GAREM1: variants seen among roughly 807,000 people sequenced by gnomAD.
GAREM1 encodes GRB2 associated regulator of MAPK1 subtype 1.
A neutral mutation model predicts 71.3 loss-of-function variants in GAREM1; 26 were observed. That is an observed-to-expected ratio of 0.36 (90% CI 0.27 to 0.51). The LOEUF is 0.51. Ranked by LOEUF, GAREM1 falls within the 20% of genes least tolerant of loss-of-function variation. The pLI, the probability that GAREM1 is intolerant of heterozygous loss-of-function variation, is 0.95. For synonymous variants in GAREM1, 440 were observed against 433.2 expected, an observed-to-expected ratio of 1.02 and a Z score of -0.20; for missense variants, 1,026 against 1,103.1, an observed-to-expected ratio of 0.93 and a Z score of 0.99.
At chr18:32,317,121 T>C (rs2047385751) in intron 2 of GAREM1, among the ~76,000 whole-genome samples, 1 of 152,000 alleles carries the variant, frequency 6.6e-6, no homozygotes, top group South Asian at 2.1e-4. Context: ...GAAGTGAGAA[T>C]GGGCCAGGCG....
At chr18:32,435,532 T>C (rs1016162207) in intron 1 of GAREM1, among the ~76,000 whole-genome samples, 7 of 152,058 alleles carry the variant, frequency 4.6e-5, no homozygotes, top group African/African-American at 7.2e-5. Flanking sequence ...ACATCATTGG[T>C]AGATTTTCCA....
In GAREM1 at chr18:32,343,323, T is replaced by TG. The variant is rs1291030680; in HGVS notation, c.263-33001_263-33000insC. ...ACTCTCCCCCACTGTTTTTTTTTTTTTTTTTTTTTGAGACAGAGTCTTGCT... is the reference window on the plus strand; with the variant it reads ...ACTCTCCCCCACTGTTTTTTTTTTTTGTTTTTTTTTGAGACAGAGTCTTGCT... On this transcript the variant is annotated intron_variant, in intron 2 of 5. Coordinates refer to ENST00000269209, the MANE Select transcript of GAREM1 (RefSeq NM_001242409.2). Among the ~76,000 whole-genome samples, 90 of 150,896 alleles carry TG rather than the reference T, an allele frequency of 6.0e-4. 1 individual carries two copies. Among genetic ancestry groups the TG allele is most frequent in the African/African-American group, 2.1e-3 (85 of 40,938 alleles).
rs779953231 is a variant in GAREM1, at chr18:32,393,044, T to C, written c.122-9A>G. ...CCCTTCTACGCACTCTCCTAGGAAA[T>C]ACAATTTTATATGAGAAACTTAGAA... On this transcript the variant is annotated splice_polypyrimidine_tract_variant and intron_variant, in intron 1 of 5. Transcript: ENST00000269209. 2.5e-6 allele frequency: 4 copies of C among 1,605,826 alleles called. No homozygotes were observed. The highest frequency in any genetic ancestry group is 1.7e-6 in the Non-Finnish European group (2 of 1,174,992).
intron 1 of GAREM1, among the ~76,000 whole-genome samples, chr18:32,461,212 G>A (rs986728264): frequency 1.3e-5 from 2 of 152,160 alleles, no homozygotes; most frequent in Admixed American, 6.5e-5. Context: ...TTAATACTGA[G>A]ATTTGCTCAT....
At chr18:32,431,159 A>C (rs1371208163) in intron 1 of GAREM1, among the ~76,000 whole-genome samples, 1 of 152,192 alleles carries the variant, frequency 6.6e-6, no homozygotes, top group East Asian at 1.9e-4. Flanking sequence ...TGATATACAG[A>C]GAAAAGTCAG....
At chr18:32,406,893 T>C (rs529852528) in intron 1 of GAREM1, among the ~76,000 whole-genome samples, 2 of 152,298 alleles carry the variant, frequency 1.3e-5, no homozygotes, top group Admixed American at 6.5e-5. Context: ...CAAATAAAAC[T>C]ATCTGAAGTC....
intron 1 of GAREM1, among the ~76,000 whole-genome samples, chr18:32,466,265 G>A (rs2048998148): frequency 6.6e-6 from 1 of 151,374 alleles, no homozygotes; most frequent in Non-Finnish European, 1.5e-5. Context: ...ATTCTATACA[G>A]CGGAAGAGAA....
At chr18:32,310,167 A>G (rs1392105838) in intron 3 of GAREM1, 26 bp downstream of exon 3, 2 of 1,612,298 alleles carry the variant, frequency 1.2e-6, no homozygotes, top group African/African-American at 2.7e-5. Flanking sequence ...GTGAGTATAA[A>G]TATTTGGTGC....
intron 2 of GAREM1, among the ~76,000 whole-genome samples, chr18:32,320,691 C>T (rs78670393): frequency 0.025 from 3,769 of 152,306 alleles, 81 homozygotes; most frequent in Middle Eastern, 0.051. Flanking sequence ...AAACTCCATT[C>T]TTGAACTTAA....
At chr18:32,357,542 C>A (rs369633392) in intron 2 of GAREM1, among the ~76,000 whole-genome samples, 1 of 152,092 alleles carries the variant, frequency 6.6e-6, no homozygotes, top group Non-Finnish European at 1.5e-5. Context: ...GCACAGGACC[C>A]GAAGGGATAG....
At chr18:32,372,950 C>T (rs949948023) in intron 2 of GAREM1, among the ~76,000 whole-genome samples, 3 of 152,110 alleles carry the variant, frequency 2.0e-5, no homozygotes, top group Admixed American at 6.6e-5. Context: ...AGCTCTCTCC[C>T]GCCTCACCCA....
At chr18:32,386,495 G>A (rs1022249943) in intron 2 of GAREM1, among the ~76,000 whole-genome samples, 1 of 152,184 alleles carries the variant, frequency 6.6e-6, no homozygotes, top group Non-Finnish European at 1.5e-5. Context: ...AAAGTACTGA[G>A]ATCATTTTAG....
chr18:32,314,234 C>T lies in GAREM1; in HGVS notation c.263-3911G>A, dbSNP rs566369722. ...ATTATGGTGTTCTACAGTTTTATAC[C>T]GTGCCCTTGCCCACTGAGCTGAGCA... is the stretch of plus-strand genomic sequence containing the variant. On this transcript the variant is annotated intron_variant, in intron 2 of 5. Coordinates refer to ENST00000269209, the MANE Select transcript of GAREM1 (RefSeq NM_001242409.2). Among the ~76,000 whole-genome samples, 6 of 152,104 alleles carry T rather than the reference C, an allele frequency of 3.9e-5. No individual in the cohort carries two copies. The South Asian group carries it at 8.3e-4, about 21-fold the overall frequency.
chr18:32,380,384 G>C (rs1001979072), intron 2 of GAREM1, among the ~76,000 whole-genome samples: 1 of 149,746 alleles, frequency 6.7e-6, no homozygotes, highest in African/African-American at 2.5e-5. Flanking sequence ...GCTGAGGTGG[G>C]ATAATTGCTT....
intron 2 of GAREM1, among the ~76,000 whole-genome samples, chr18:32,312,621 A>G (rs886119261): frequency 6.6e-6 from 1 of 152,188 alleles, no homozygotes; most frequent in African/African-American, 2.4e-5. Context: ...AGAGAGATGG[A>G]ACAGAGGCTA....
chr18:32,449,267 G>T (rs1426939392), intron 1 of GAREM1, among the ~76,000 whole-genome samples: 1 of 152,166 alleles, frequency 6.6e-6, no homozygotes, highest in Non-Finnish European at 1.5e-5. Flanking sequence ...AACACCAACG[G>T]ATTTGTTTGG....
rs182545614 is a variant in GAREM1, at chr18:32,371,800, C to G, written c.262+21095G>C. ...GTGCATGTGGTGATGTCTTGGTAGC[C>G]CTGAGGTCCAGAATGCCAAGGAAAA... On this transcript the variant is annotated intron_variant, in intron 2 of 5. Coordinates refer to ENST00000269209, the MANE Select transcript of GAREM1 (RefSeq NM_001242409.2). Among the ~76,000 whole-genome samples the G allele has an allele frequency of 1.1e-3, 173 of 151,846 alleles. 3 individuals carry two copies. Among genetic ancestry groups the G allele is most frequent in the Non-Finnish European group, 3.8e-4 (26 of 67,966 alleles).
chr18:32,269,888 T>A (rs1202606543), intron 5 of GAREM1, among the ~76,000 whole-genome samples: 1 of 152,140 alleles, frequency 6.6e-6, no homozygotes, highest in Non-Finnish European at 1.5e-5. Flanking sequence ...TGCTGTCTGC[T>A]CGTGTCAAAG....
At position 32,470,231 on chromosome 18, in the gene GAREM1, TCTC is replaced by T; in HGVS notation, c.121+74_121+76del. On this transcript the variant is annotated intron_variant, in intron 1 of 5. Coordinates refer to ENST00000269209, the MANE Select transcript of GAREM1 (RefSeq NM_001242409.2). This position sits in a 1 kb window ranked among gnomAD's most constrained non-coding sequence, Gnocchi z 4.4. ...AGCCCACTCCCCGCGGGTCCCACCC[TCTC>T]CAGCACACGCGCGCACACCCGCGTG... 1 of 1,336,798 alleles carries T rather than the reference TCTC, an allele frequency of 7.5e-7. No individual in the cohort carries two copies. The highest frequency in any genetic ancestry group is 9.7e-7 in the Non-Finnish European group (1 of 1,034,046). 82.8% of individuals were successfully genotyped at this position (1,336,798 alleles called of 1,614,324 possible). A position where few individuals can be genotyped will look rare whatever the true frequency, so the allele number is the denominator to read the frequency against.
Sources: gnomAD v4.1 joint callset for allele counts (sites outside exome capture counted in the v4.1 genomes callset) on GRCh38, gnomAD v4.1.1 for gene constraint, Gnocchi (gnomAD v3.1) non-coding constraint, MANE v1.5 for transcripts, NCBI Gene and HGNC (gene_info 2026-07-23, HGNC 2026-07-21) for gene names.